XKR4: variants seen among roughly 807,000 people sequenced by gnomAD.
XKR4 encodes XK-related protein 4.
XKR4 carries 12 observed loss-of-function variants against 53.9 expected under a neutral mutation model. That is an observed-to-expected ratio of 0.22 (90% CI 0.14 to 0.36). The LOEUF is 0.36. XKR4 is among the 10% of genes least tolerant of loss of function. The probability of loss-of-function intolerance (pLI) is 1.00; values close to 1 mark genes in which losing one functional copy is unlikely to be tolerated. For missense variants in XKR4, 799 were observed against 859.5 expected (o/e 0.93, Z 0.88); for synonymous variants, 354 against 362.4 (o/e 0.98, Z 0.26).
chr8:55,517,987 T>C (rs1204150700), intron 2 of XKR4, among the ~76,000 whole-genome samples: 1 of 152,210 alleles, frequency 6.6e-6, no homozygotes, highest in Non-Finnish European at 1.5e-5. Flanking sequence ...CAGAAGTTTC[T>C]CTGAGAGTGC....
chr8:55,103,265 C>T lies in XKR4; in HGVS notation c.777C>T (p.Ile259=), dbSNP rs544930181. Reference sequence around the variant, plus strand: ...GCATCTGGCTCCTGCAGTCACTCATCCACATCTTGCAGCTCGGGCAAATCT... The same window carrying T: ...GCATCTGGCTCCTGCAGTCACTCATTCACATCTTGCAGCTCGGGCAAATCT... ...SFCIWLLQSL[I]HILQLGQIWR... The change falls in exon 1 of 3, where the codon ATC becomes ATT. Residue 259 remains isoleucine, a synonymous_variant. Coordinates refer to ENST00000327381, the MANE Select transcript of XKR4 (RefSeq NM_052898.2). 6.8e-6 allele frequency: 11 copies of T among 1,610,324 alleles called. No individual in the cohort carries two copies. The African/African-American group carries it at 9.3e-5, about 14-fold the overall frequency.
At chr8:55,497,366 C>A (rs943417244) in intron 2 of XKR4, among the ~76,000 whole-genome samples, 6 of 152,146 alleles carry the variant, frequency 3.9e-5, no homozygotes, top group African/African-American at 1.2e-4. Flanking sequence ...AATGGGCCAT[C>A]ATAACAGGCA....
chr8:55,187,180 A>C (rs1817389677), intron 1 of XKR4, among the ~76,000 whole-genome samples: 2 of 151,910 alleles, frequency 1.3e-5, no homozygotes, highest in African/African-American at 4.8e-5. Flanking sequence ...CTATGGCATG[A>C]ATTTGAATCA....
intron 2 of XKR4, among the ~76,000 whole-genome samples, chr8:55,368,150 G>T (rs573448381): frequency 6.6e-6 from 1 of 151,826 alleles, no homozygotes; most frequent in Non-Finnish European, 1.5e-5. Context: ...TAGTAAAGAC[G>T]GTGTTTCACC....
chr8:55,495,967 G>A (rs192768753), intron 2 of XKR4, among the ~76,000 whole-genome samples: 1 of 152,304 alleles, frequency 6.6e-6, no homozygotes, highest in Admixed American at 6.5e-5. Context: ...TAGAAAAATT[G>A]CCTCAAGCAT....
chr8:55,305,202 A>T (rs998217688), intron 1 of XKR4, among the ~76,000 whole-genome samples: 1 of 152,154 alleles, frequency 6.6e-6, no homozygotes, highest in Admixed American at 6.5e-5. Flanking sequence ...TCCTTGCAAC[A>T]CTACATGCCA....
chr8:55,482,251 A>G (rs992891876), intron 2 of XKR4, among the ~76,000 whole-genome samples: 3 of 152,170 alleles, frequency 2.0e-5, no homozygotes, highest in Admixed American at 6.5e-5. Context: ...TTGTAGGGAC[A>G]TGGATGAAGC....
intron 2 of XKR4, among the ~76,000 whole-genome samples, chr8:55,379,946 C>G (rs140549037): frequency 1.3e-5 from 2 of 152,364 alleles, no homozygotes; most frequent in Non-Finnish European, 2.9e-5. Flanking sequence ...GTTATGAGCA[C>G]TGTCAACACT....
At chr8:55,418,562 C>G (rs2129392119) in intron 2 of XKR4, among the ~76,000 whole-genome samples, 1 of 152,334 alleles carries the variant, frequency 6.6e-6, no homozygotes, top group Middle Eastern at 3.4e-3. Flanking sequence ...AGGTACTGGT[C>G]TAACCGGCCT....
chr8:55,226,487 A>G (rs1340142737), intron 1 of XKR4, among the ~76,000 whole-genome samples: 1 of 152,178 alleles, frequency 6.6e-6, no homozygotes, highest in East Asian at 1.9e-4. Flanking sequence ...CTCAATGTCC[A>G]GGAGAATGGT....
chr8:55,238,368 C>T (rs939481042), intron 1 of XKR4, among the ~76,000 whole-genome samples: 3 of 152,160 alleles, frequency 2.0e-5, no homozygotes, highest in African/African-American at 7.2e-5. Context: ...TAAAGGTGTT[C>T]ATCCTTATCC....
intron 1 of XKR4, among the ~76,000 whole-genome samples, chr8:55,322,604 C>A (rs182614239): frequency 2.0e-5 from 3 of 152,182 alleles, no homozygotes; most frequent in African/African-American, 7.2e-5. Context: ...TTAGAGAAGA[C>A]GAGTTCTCTT....
chr8:55,457,287 C>T (rs1191474984), intron 2 of XKR4, among the ~76,000 whole-genome samples: 20 of 151,840 alleles, frequency 1.3e-4, no homozygotes, highest in African/African-American at 2.9e-4. Flanking sequence ...GGACTACAGG[C>T]GCCCACCACC....
intron 2 of XKR4, among the ~76,000 whole-genome samples, chr8:55,520,669 G>A (rs1806785029): frequency 6.6e-6 from 1 of 152,230 alleles, no homozygotes; most frequent in Non-Finnish European, 1.5e-5. Flanking sequence ...ACAGGGACAT[G>A]AAATTTCCCT....
Position 55,102,958 on chromosome 8 carries a change from T to A in XKR4, c.470T>A (p.Leu157Gln), listed in dbSNP as rs758218395. The change falls in exon 1 of 3, where the codon CTG (leucine) becomes CAG (glutamine). Residue 157 changes from leucine to glutamine, a missense_variant. Around this residue, in one of 3 missense-constraint regions of XKR4, gnomAD observed 476 missense variants for 505.4 expected, o/e 0.94. Coordinates refer to ENST00000327381, the MANE Select transcript of XKR4 (RefSeq NM_052898.2). The surrounding 1 kb of genome is among the most constrained non-coding windows in gnomAD (Gnocchi z 5.1). ...LTLFFVVLGS[L>Q]SVQVFSFRWF... ...CTCTTCTTCGTGGTGCTCGGCTCTCTGTCGGTGCAAGTGTTCAGCTTCCGC... is the reference window on the plus strand; with the variant it reads ...CTCTTCTTCGTGGTGCTCGGCTCTCAGTCGGTGCAAGTGTTCAGCTTCCGC... 6.2e-7 allele frequency: 1 copy of A among 1,611,604 alleles called. No individual in the cohort carries two copies. Among genetic ancestry groups the A allele is most frequent in the Admixed American group, 1.7e-5 (1 of 60,024 alleles).
intron 1 of XKR4, among the ~76,000 whole-genome samples, chr8:55,158,278 G>T (rs1247673202): frequency 1.3e-5 from 2 of 152,146 alleles, no homozygotes; most frequent in African/African-American, 4.8e-5. Flanking sequence ...ATTTTTAAAT[G>T]TTTGTTGCTA....
Position 55,161,677 on chromosome 8 carries a change from C to A in XKR4, c.806+58383C>A, listed in dbSNP as rs765127331. 3.7e-5 allele frequency: 17 copies of A among 454,440 alleles called. No homozygotes were observed. The East Asian group carries it at 5.6e-4, about 15-fold the overall frequency. The allele number at this position is 454,440 out of a possible 1,614,324, so 28.2% of individuals were successfully genotyped here. A position where few individuals can be genotyped will look rare whatever the true frequency, so the allele number is the denominator to read the frequency against. On this transcript the variant is annotated intron_variant, in intron 1 of 2. Transcript: ENST00000327381. ...AATACTTGGACGGTGTTTAGAAGTA[C>A]CTGGTACCTGCCTACTGGTCACTGA...
intron 1 of XKR4, among the ~76,000 whole-genome samples, chr8:55,135,001 T>C (rs1816605181): frequency 6.6e-6 from 1 of 152,168 alleles, no homozygotes; most frequent in Non-Finnish European, 1.5e-5. Context: ...AAATACATTT[T>C]ACAGTCTGAA....
intron 2 of XKR4, among the ~76,000 whole-genome samples, chr8:55,487,309 T>C (rs1806206737): frequency 6.6e-6 from 1 of 152,148 alleles, no homozygotes; most frequent in Non-Finnish European, 1.5e-5. Context: ...TCTTTATTTG[T>C]TCTCTATGAG....
Sources: allele counts gnomAD v4.1 joint callset (sites outside exome capture counted in the v4.1 genomes callset), GRCh38; gene constraint gnomAD v4.1.1; regional missense constraint gnomAD v4.1.1; non-coding constraint Gnocchi (gnomAD v3.1); transcripts MANE v1.5; gene names NCBI Gene and HGNC (gene_info 2026-07-23, HGNC 2026-07-21).